IL15RA: variants seen among roughly 807,000 people sequenced by gnomAD.
IL15RA encodes interleukin 15 receptor subunit alpha.
Under a neutral mutation model 24.2 loss-of-function variants are expected in IL15RA, and 26 were observed. The ratio of observed to expected loss-of-function variants is 1.07; its 90% CI spans 0.79 to 1.49. The LOEUF is 1.49. Ranked by LOEUF, IL15RA falls within the 40% of genes most tolerant of loss-of-function variation. The probability of loss-of-function intolerance (pLI) is 0.00; values close to 1 mark genes in which losing one functional copy is unlikely to be tolerated. For synonymous variants in IL15RA, 166 were observed against 157.6 expected, an observed-to-expected ratio of 1.05 and a Z score of -0.40; for missense variants, 354 against 356.4, an observed-to-expected ratio of 0.99 and a Z score of 0.05.
chr10:5,968,785 G>A lies in IL15RA; in HGVS notation c.89-2446C>T, dbSNP rs777584905. 25 of 707,202 alleles carry A rather than the reference G, an allele frequency of 3.5e-5. No individual in the cohort carries two copies. Among genetic ancestry groups the A allele is most frequent in the Non-Finnish European group, 6.2e-5 (24 of 389,500 alleles). The allele number at this position is 707,202 out of a possible 1,614,324, so 43.8% of individuals were successfully genotyped here. ...TAGATGGCTGTGCTACCTGCTTGCT[G>A]CCTGCTTGTCCGATGGTGGTGGCAC... On this transcript the variant is annotated intron_variant, in intron 1 of 6. Coordinates refer to ENST00000379977, the MANE Select transcript of IL15RA (RefSeq NM_002189.4). The surrounding 1 kb of genome is among the most constrained non-coding windows in gnomAD (Gnocchi z 5.4).
chr10:5,952,862 C>T lies in IL15RA; in HGVS notation c.*233G>A. On this transcript the variant is annotated 3_prime_UTR_variant, in exon 7 of 7. Transcript: ENST00000379977. ...CTTTGGTCTCTCCTGGGAAGCTGGG[C>T]CCTGGGTCCAAGGCACGACAGGCAG... 2 of 594,102 alleles carry T rather than the reference C, an allele frequency of 3.4e-6. No homozygotes were observed. Among genetic ancestry groups the T allele is most frequent in the Non-Finnish European group, 6.0e-6 (2 of 334,534 alleles). 36.8% of individuals were successfully genotyped at this position (594,102 alleles called of 1,614,324 possible).
chr10:5,952,193 A>G (rs1260184123), downstream of IL15RA, among the ~76,000 whole-genome samples: 1 of 152,126 alleles, frequency 6.6e-6, no homozygotes, highest in Non-Finnish European at 1.5e-5. Context: ...GGATTAGATA[A>G]TGCTGCTTCT....
chr10:5,963,789 C>T lies in IL15RA; in HGVS notation c.336G>A (p.Thr112=), dbSNP rs752668766. Residue 112 remains threonine (T), a synonymous_variant, in exon 3 of 7, where the codon ACG becomes ACA. Coordinates refer to ENST00000379977, the MANE Select transcript of IL15RA (RefSeq NM_002189.4). This position sits in a 1 kb window ranked among gnomAD's most constrained non-coding sequence, Gnocchi z 5.3. ...QRPAPPSTVT[T]AGVTPQPESL... is the part of the protein sequence containing the mutation. Reference sequence around the variant, plus strand: ...TCTCTGGCTGTGGGGTCACCCCTGCCGTCGTTACTGTGGAGGGTGGCGCTG... The same window carrying T: ...TCTCTGGCTGTGGGGTCACCCCTGCTGTCGTTACTGTGGAGGGTGGCGCTG... 12 of 1,534,420 alleles carry T rather than the reference C, an allele frequency of 7.8e-6. No homozygotes were observed. In the Admixed American group the frequency reaches 1.2e-4, roughly 16 times the overall value.
rs917366253 is a variant in IL15RA at position 5,963,700 on chromosome 10, T to C, written c.382+43A>G. ...GATTGGTGAGCGGGCCTCTGGGTGT[T>C]GGGAGGGAATGAATGTCCTCGAGAA... On this transcript the variant is annotated intron_variant, in intron 3 of 6. Transcript: ENST00000379977. This position sits in a 1 kb window ranked among gnomAD's most constrained non-coding sequence, Gnocchi z 5.3. 6 of 1,309,436 alleles carry C rather than the reference T, an allele frequency of 4.6e-6. No homozygotes were observed. In the African/African-American group the frequency reaches 9.3e-5, roughly 20 times the overall value. 81.1% of individuals were successfully genotyped at this position (1,309,436 alleles called of 1,614,324 possible).
rs1324986216 is a variant in IL15RA, at chr10:5,963,063, GTC to G, written c.382+678_382+679del. Among the ~76,000 whole-genome samples, 1 of 152,198 alleles carries G rather than the reference GTC, an allele frequency of 6.6e-6. No individual in the cohort carries two copies. Among genetic ancestry groups the G allele is most frequent in the Non-Finnish European group, 1.5e-5 (1 of 68,042 alleles). On this transcript the variant is annotated intron_variant, in intron 3 of 6. Transcript: ENST00000379977. This position sits in a 1 kb window ranked among gnomAD's most constrained non-coding sequence, Gnocchi z 5.3. Reference sequence around the variant, plus strand: ...GTCTGGTGGGGGCAGCTCTCCACAGGTCTCTCACATTTTTGCACATCTTGCAG... The same window carrying G: ...GTCTGGTGGGGGCAGCTCTCCACAGGTCTCACATTTTTGCACATCTTGCAG...
chr10:5,958,905 A>G lies in IL15RA; in HGVS notation c.616+849T>C, dbSNP rs8177709. Among the ~76,000 whole-genome samples the G allele has an allele frequency of 0.026, 4,029 of 152,250 alleles. 89 individuals are homozygous for G. Among genetic ancestry groups the G allele is most frequent in the African/African-American group, 0.065 (2,692 of 41,540 alleles). On this transcript the variant is annotated intron_variant, in intron 5 of 6. Transcript: ENST00000379977. The surrounding 1 kb of genome is among the most constrained non-coding windows in gnomAD (Gnocchi z 4.3). ...CTTTGGAAGCTTGTCAGCCTGGAGCATGACTTGCATTCTTCTCATTACCTG... is the reference window on the plus strand; with the variant it reads ...CTTTGGAAGCTTGTCAGCCTGGAGCGTGACTTGCATTCTTCTCATTACCTG...
In IL15RA at chr10:5,970,786, G is replaced by T. The variant is rs1336263713; in HGVS notation, c.89-4447C>A. Among the ~76,000 whole-genome samples, 4 of 141,454 alleles carry T rather than the reference G, an allele frequency of 2.8e-5. No homozygotes were observed. Among genetic ancestry groups the T allele is most frequent in the African/African-American group, 8.4e-5 (3 of 35,566 alleles). The allele number at this position is 141,454 out of a possible 152,430, so 92.8% of individuals were successfully genotyped here. A position where few individuals can be genotyped will look rare whatever the true frequency, so the allele number is the denominator to read the frequency against. ...TTTATTTTATTTTATTTTGAGACAG[G>T]GTCTAGCTCTGTCACCCAGGCTAGA... On this transcript the variant is annotated intron_variant, in intron 1 of 6. Transcript: ENST00000379977. The surrounding 1 kb of genome is among the most constrained non-coding windows in gnomAD (Gnocchi z 4.1).
Position 5,977,480 on chromosome 10 carries a change from G to T in IL15RA, c.13C>A (p.Arg5=). Residue 5 remains arginine, a synonymous_variant, in exon 1 of 7, where the codon CGG becomes AGG. Coordinates refer to ENST00000379977, the MANE Select transcript of IL15RA (RefSeq NM_002189.4). ...CCGAGGGTCCGGCAGCCGCGCGCCCGCCGCGGGGCCATGGCGGCAGCTCCA... is the reference window on the plus strand; with the variant it reads ...CCGAGGGTCCGGCAGCCGCGCGCCCTCCGCGGGGCCATGGCGGCAGCTCCA... MAPR[R]ARGCRTLGLP... The T allele has an allele frequency of 7.4e-7, 1 of 1,355,342 alleles. No individual in the cohort carries two copies. Among genetic ancestry groups the T allele is most frequent in the Non-Finnish European group, 9.5e-7 (1 of 1,055,674 alleles). The allele number at this position is 1,355,342 out of a possible 1,614,324, so 84.0% of individuals were successfully genotyped here.
At chr10:5,974,331 A>T (rs1013977275) in intron 1 of IL15RA, among the ~76,000 whole-genome samples, 28 of 152,202 alleles carry the variant, frequency 1.8e-4, no homozygotes, top group African/African-American at 6.0e-4. Context: ...GAGCAAAAAA[A>T]ATATAAACAG....
At chr10:5,956,101 G>A (rs1383954333) in intron 6 of IL15RA, among the ~76,000 whole-genome samples, 3 of 151,928 alleles carry the variant, frequency 2.0e-5, no homozygotes, top group Admixed American at 1.3e-4. Flanking sequence ...TGCAACCTCC[G>A]CCTCCCGGGT....
chr10:5,968,541 T>G lies in IL15RA; in HGVS notation c.89-2202A>C. ...TAAGCTGATGGCGTGAGAGATGGAG[T>G]CGATCTCACAAGTTGTTGAGGTGGA... is the stretch of plus-strand genomic sequence containing the variant. On this transcript the variant is annotated intron_variant, in intron 1 of 6. Coordinates refer to ENST00000379977, the MANE Select transcript of IL15RA (RefSeq NM_002189.4). The surrounding 1 kb of genome is among the most constrained non-coding windows in gnomAD (Gnocchi z 5.4). 1 of 535,348 alleles carries G rather than the reference T, an allele frequency of 1.9e-6. No individual in the cohort carries two copies. Among genetic ancestry groups the G allele is most frequent in the Non-Finnish European group, 3.4e-6 (1 of 297,550 alleles). The allele number at this position is 535,348 out of a possible 1,614,324, so 33.2% of individuals were successfully genotyped here.
chr10:5,961,960 G>A lies in IL15RA; in HGVS notation c.383-1393C>T, dbSNP rs1164007086. On this transcript the variant is annotated intron_variant, in intron 3 of 6. Transcript: ENST00000379977. The surrounding 1 kb of genome is among the most constrained non-coding windows in gnomAD (Gnocchi z 5.2). ...TGCTCCAGGGCTCCCTGCACAGGAC[G>A]CACCAAGGCATCCTCAGCCAAGTGC... Among the ~76,000 whole-genome samples the A allele has an allele frequency of 6.6e-6, 1 of 152,194 alleles. No individual in the cohort carries two copies. Among genetic ancestry groups the A allele is most frequent in the Non-Finnish European group, 1.5e-5 (1 of 68,034 alleles).
chr10:5,973,577 G>C lies in IL15RA; in HGVS notation c.88+3828C>G, dbSNP rs1045246288. Reference sequence around the variant, plus strand: ...CAGTGAAGATAATCTTTTCAATAAAGGGTGCTGGAATAATTGGATATGCAT... The same window carrying C: ...CAGTGAAGATAATCTTTTCAATAAACGGTGCTGGAATAATTGGATATGCAT... On this transcript the variant is annotated intron_variant, in intron 1 of 6. Coordinates refer to ENST00000379977, the MANE Select transcript of IL15RA (RefSeq NM_002189.4). This position sits in a 1 kb window ranked among gnomAD's most constrained non-coding sequence, Gnocchi z 4.5. Among the ~76,000 whole-genome samples the C allele has an allele frequency of 6.6e-6, 1 of 152,130 alleles. No individual in the cohort carries two copies. The highest frequency in any genetic ancestry group is 1.5e-5 in the Non-Finnish European group (1 of 68,024).
Position 5,974,233 on chromosome 10 carries a change from C to T in IL15RA, c.88+3172G>A, listed in dbSNP as rs541460680. 4.3e-4 allele frequency among the ~76,000 whole-genome samples: 65 copies of T among 152,256 alleles called. No individual in the cohort carries two copies. In the South Asian group the frequency reaches 0.013, roughly 30 times the overall value. ...CTGGCTGGTCTCGAACTCCTGGCCT[C>T]AAGTGATCTGCCCGCGTTGGCCTCC... On this transcript the variant is annotated intron_variant, in intron 1 of 6. Transcript: ENST00000379977.
chr10:5,970,752 T>C lies in IL15RA; in HGVS notation c.89-4413A>G, dbSNP rs1409253354. Reference sequence around the variant, plus strand: ...TATTTCATTATTATTTTATTTTATTTTATTTTATTTTATTTTATTTTATTT... The same window carrying C: ...TATTTCATTATTATTTTATTTTATTCTATTTTATTTTATTTTATTTTATTT... On this transcript the variant is annotated intron_variant, in intron 1 of 6. Transcript: ENST00000379977. This position sits in a 1 kb window ranked among gnomAD's most constrained non-coding sequence, Gnocchi z 4.1. 7.2e-6 allele frequency among the ~76,000 whole-genome samples: 1 copy of C among 139,676 alleles called. No individual in the cohort carries two copies. The highest frequency in any genetic ancestry group is 3.3e-5 in the African/African-American group (1 of 30,738). The allele number at this position is 139,676 out of a possible 152,430, so 91.6% of individuals were successfully genotyped here.
Position 5,966,263 on chromosome 10 carries a change from C to A in IL15RA, c.165G>T (p.Glu55Asp), listed in dbSNP as rs1273760405. 2 of 1,614,054 alleles carry A rather than the reference C, an allele frequency of 1.2e-6. No homozygotes were observed. Among genetic ancestry groups the A allele is most frequent in the Admixed American group, 1.7e-5 (1 of 60,014 alleles). Residue 55 changes from glutamate (E) to aspartate (D), a missense_variant, in exon 2 of 7, where the codon GAG becomes GAT. Glu to Asp is a conservative substitution (Grantham distance 45). Coordinates refer to ENST00000379977, the MANE Select transcript of IL15RA (RefSeq NM_002189.4). This position sits in a 1 kb window ranked among gnomAD's most constrained non-coding sequence, Gnocchi z 6.4. ...TGAAACCAGAGTTACAAATGTACCG[C>A]TCCCTGGAGTACAAGCTGTAGCTCT... ...WVKSYSLYSR[E>D]RYICNSGFKR...
rs59892494 is a variant in IL15RA, at chr10:5,955,101, A to ATT, written c.692+1276_692+1277dup. Among the ~76,000 whole-genome samples, 25 of 144,212 alleles carry ATT rather than the reference A, an allele frequency of 1.7e-4. No individual in the cohort carries two copies. The highest frequency in any genetic ancestry group is 6.1e-4 in the African/African-American group (24 of 39,426). 94.6% of individuals were successfully genotyped at this position (144,212 alleles called of 152,430 possible). A position where few individuals can be genotyped will look rare whatever the true frequency, so the allele number is the denominator to read the frequency against. Reference sequence around the variant, plus strand: ...AAAATTAGGCTCAAAGGGTCACATAATTTTTTTTTTTTTTTGAGATGGAGT... The same window carrying ATT: ...AAAATTAGGCTCAAAGGGTCACATAATTTTTTTTTTTTTTTTTGAGATGGAGT... On this transcript the variant is annotated intron_variant, in intron 6 of 6. Transcript: ENST00000379977. This position sits in a 1 kb window ranked among gnomAD's most constrained non-coding sequence, Gnocchi z 5.3.
rs1016263230 is a variant in IL15RA, at chr10:5,960,471, G to T, written c.479C>A (p.Thr160Lys). Residue 160 changes from threonine to lysine, a missense_variant, in exon 4 of 7, where the codon ACA becomes AAA. Thr to Lys is a moderately conservative substitution (Grantham distance 78). Coordinates refer to ENST00000379977, the MANE Select transcript of IL15RA (RefSeq NM_002189.4). This position sits in a 1 kb window ranked among gnomAD's most constrained non-coding sequence, Gnocchi z 5.1. ...SQLMPSKSPS[T>K]GTTEISSHES... ...ATGACTGCTTATCTCTGTGGTTCCTGTGGAAGGTGATTTTGAAGGCATCAG... is the reference window on the plus strand; with the variant it reads ...ATGACTGCTTATCTCTGTGGTTCCTTTGGAAGGTGATTTTGAAGGCATCAG... 6.2e-7 allele frequency: 1 copy of T among 1,614,138 alleles called. No individual in the cohort carries two copies. Among genetic ancestry groups the T allele is most frequent in the Admixed American group, 1.7e-5 (1 of 60,020 alleles).
rs1837399319 is a variant in IL15RA at position 5,970,539 on chromosome 10, C to G, written c.89-4200G>C. Reference sequence around the variant, plus strand: ...TGGTTCTTCCATTCTGAACGGTCCTCAAACCAAGATAAATCTGTGAATAGT... The same window carrying G: ...TGGTTCTTCCATTCTGAACGGTCCTGAAACCAAGATAAATCTGTGAATAGT... On this transcript the variant is annotated intron_variant, in intron 1 of 6. Coordinates refer to ENST00000379977, the MANE Select transcript of IL15RA (RefSeq NM_002189.4). The surrounding 1 kb of genome is among the most constrained non-coding windows in gnomAD (Gnocchi z 4.1). Among the ~76,000 whole-genome samples, 1 of 152,058 alleles carries G rather than the reference C, an allele frequency of 6.6e-6. No individual in the cohort carries two copies. The highest frequency in any genetic ancestry group is 2.4e-5 in the African/African-American group (1 of 41,396).
Sources: gnomAD v4.1 joint callset for allele counts (sites outside exome capture counted in the v4.1 genomes callset) on GRCh38, gnomAD v4.1.1 for gene constraint, Gnocchi (gnomAD v3.1) non-coding constraint, MANE v1.5 for transcripts, NCBI Gene and HGNC (gene_info 2026-07-23, HGNC 2026-07-21) for gene names.